SLC12A2: variants seen among roughly 807,000 people sequenced by gnomAD.
SLC12A2 encodes Na-K-2Cl cotransporter 1.
Under a neutral mutation model 136.3 loss-of-function variants are expected in SLC12A2, and 67 were observed. That is an observed-to-expected ratio of 0.49 (90% CI 0.40 to 0.60). The LOEUF (loss-of-function observed/expected upper bound fraction) is 0.60. Ranked by LOEUF, SLC12A2 falls within the 20% of genes least tolerant of loss-of-function variation. SLC12A2 has a pLI of 0.00. For missense variants in SLC12A2, 1,322 were observed against 1,534.7 expected (o/e 0.86, Z 2.32); for synonymous variants, 619 against 562.9 (o/e 1.10, Z -1.41).
In SLC12A2 at chr5:128,119,673, T is replaced by A. The variant is rs9968654; in HGVS notation, c.1048+4992T>A. On this transcript the variant is annotated intron_variant, in intron 4 of 26. Coordinates refer to ENST00000262461, the MANE Select transcript of SLC12A2 (RefSeq NM_001046.3). ...GGTAGTGTGATGCCTCCAGCTTTGT[T>A]CTTTTGGCTTCCTTACACCTTATAA... 7.5e-3 allele frequency among the ~76,000 whole-genome samples: 1,142 copies of A among 152,274 alleles called. 15 individuals are homozygous for A. The highest frequency in any genetic ancestry group is 0.026 in the African/African-American group (1,072 of 41,544).
chr5:128,091,529 G>A (rs1443853927), intron 1 of SLC12A2, among the ~76,000 whole-genome samples: 1 of 152,210 alleles, frequency 6.6e-6, no homozygotes, highest in Non-Finnish European at 1.5e-5. Flanking sequence ...AAAGCCCACT[G>A]AGGGTGAGCA....
chr5:128,137,003 T>A (rs1287477240), intron 7 of SLC12A2, among the ~76,000 whole-genome samples: 3 of 152,172 alleles, frequency 2.0e-5, no homozygotes, highest in Admixed American at 6.5e-5. Context: ...TAATTTCTAA[T>A]CCTTTCCTAA....
In SLC12A2 at chr5:128,184,399, C is replaced by T. The variant is rs1386267550; in HGVS notation, c.3333C>T (p.Tyr1111=). The stretch of plus-strand genomic sequence containing the variant: ...CTTTTGAGGAAATCATTGAGCCATA[C>T]AGACTTCATGAAGATGATAAAGAGC... The part of the protein sequence containing the change: ...IIAFEEIIEP[Y]RLHEDDKEQD... Residue 1111 remains tyrosine (Y), a synonymous_variant, in exon 25 of 27, where the codon TAC becomes TAT. Transcript: ENST00000262461. 3.1e-6 allele frequency: 5 copies of T among 1,588,954 alleles called. No individual in the cohort carries two copies. Among genetic ancestry groups the T allele is most frequent in the Admixed American group, 1.8e-5 (1 of 57,088 alleles).
chr5:128,133,593 G>A (rs1024626872), intron 5 of SLC12A2, among the ~76,000 whole-genome samples: 4 of 151,992 alleles, frequency 2.6e-5, no homozygotes, highest in Non-Finnish European at 2.9e-5. Context: ...TATTTGAGAA[G>A]TGGTAGTAAT....
At chr5:128,147,852 AT>A in intron 11 of SLC12A2, 123 bp downstream of exon 11, 2 of 517,416 alleles carry the variant, frequency 3.9e-6, no homozygotes, top group Non-Finnish European at 6.9e-6. Context: ...TATATGATAT[AT>A]ATATGCACAT....
In SLC12A2 at chr5:128,184,515, C is replaced by T. The variant is rs1763805656; in HGVS notation, c.3435+14C>T. ...TATAAGACCAAGGTATTCTCTTCTG[C>T]TTCCTTTTCATTAATCTTTTATATA... is the stretch of plus-strand genomic sequence containing the variant. On this transcript the variant is annotated intron_variant, in intron 25 of 26. Coordinates refer to ENST00000262461, the MANE Select transcript of SLC12A2 (RefSeq NM_001046.3). 1 of 1,565,884 alleles carries T rather than the reference C, an allele frequency of 6.4e-7. No individual in the cohort carries two copies. The highest frequency in any genetic ancestry group is 1.2e-5 in the South Asian group (1 of 82,210).
intron 15 of SLC12A2, among the ~76,000 whole-genome samples, chr5:128,153,487 G>T (rs147336608): frequency 6.6e-6 from 1 of 152,046 alleles, no homozygotes; most frequent in Non-Finnish European, 1.5e-5. Context: ...CCCAGGAGGC[G>T]GAGGTTGCAG....
intron 1 of SLC12A2, among the ~76,000 whole-genome samples, chr5:128,102,575 G>T (rs1760778904): frequency 3.0e-5 from 2 of 66,276 alleles, no homozygotes; most frequent in Non-Finnish European, 6.4e-5. Flanking sequence ...GTGTCTTTCT[G>T]TAATTCACCC....
intron 1 of SLC12A2, among the ~76,000 whole-genome samples, chr5:128,085,647 T>C (rs1221203641): frequency 6.6e-6 from 1 of 152,238 alleles, no homozygotes; most frequent in Non-Finnish European, 1.5e-5. Context: ...TACAAGTGTG[T>C]AATGACTACA....
At chr5:128,126,966 A>ATATATATATATATATTT in intron 4 of SLC12A2, among the ~76,000 whole-genome samples, 1 of 21,160 alleles carries the variant, frequency 4.7e-5, no homozygotes, top group African/African-American at 2.5e-4. Context: ...ATATATATAT[A>ATATATATATATATATTT]TTTTTTTTTT....
intron 15 of SLC12A2, among the ~76,000 whole-genome samples, chr5:128,153,318 G>A (rs538724934): frequency 2.2e-4 from 34 of 152,302 alleles, no homozygotes; most frequent in African/African-American, 7.5e-4. Context: ...ACTTTGGGAC[G>A]CCAAGGCTGG....
intron 19 of SLC12A2, among the ~76,000 whole-genome samples, chr5:128,172,055 C>A (rs1763392582): frequency 6.6e-6 from 1 of 151,926 alleles, no homozygotes; most frequent in East Asian, 1.9e-4. Context: ...AGTAAAATAG[C>A]CTGAGGAAAA....
At chr5:128,114,475 T>C in intron 3 of SLC12A2, 111 bp from the exon 4 acceptor site, 4 of 846,960 alleles carry the variant, frequency 4.7e-6, no homozygotes, top group Non-Finnish European at 7.5e-6. Context: ...CAAAATTGGG[T>C]AATTTATAAC....
chr5:128,088,103 G>A (rs1237232812), intron 1 of SLC12A2, among the ~76,000 whole-genome samples: 3 of 150,978 alleles, frequency 2.0e-5, no homozygotes, highest in Non-Finnish European at 4.4e-5. Flanking sequence ...TTAAGGTCAT[G>A]GACTAAATTA....
chr5:128,098,421 T>C (rs1184310346), intron 1 of SLC12A2, among the ~76,000 whole-genome samples: 1 of 152,066 alleles, frequency 6.6e-6, no homozygotes, highest in Non-Finnish European at 1.5e-5. Context: ...TTTTGGAGTC[T>C]TTGTCTCCTG....
Position 128,152,915 on chromosome 5 carries a change from C to A in SLC12A2, c.2363+110C>A, listed in dbSNP as rs764631167. 465 of 681,708 alleles carry A rather than the reference C, an allele frequency of 6.8e-4. 1 individual carries two copies. Among genetic ancestry groups the A allele is most frequent in the Middle Eastern group, 1.3e-3 (5 of 3,978 alleles). The allele number at this position is 681,708 out of a possible 1,614,324, so 42.2% of individuals were successfully genotyped here. On this transcript the variant is annotated intron_variant, in intron 15 of 26. Transcript: ENST00000262461. ...TTTCACATTTTTAATCGGTCTTGGG[C>A]AGTTTAATTATTCAAGAACAAAATT...
intron 20 of SLC12A2, among the ~76,000 whole-genome samples, chr5:128,176,527 CG>C (rs1561705055): frequency 6.6e-6 from 1 of 151,864 alleles, no homozygotes. Context: ...TTAATGCACA[CG>C]TATATACATA....
chr5:128,117,742 C>A (rs1033982249), intron 4 of SLC12A2, among the ~76,000 whole-genome samples: 2 of 152,118 alleles, frequency 1.3e-5, no homozygotes, highest in Non-Finnish European at 2.9e-5. Context: ...AACTAAAAAG[C>A]TTCTGCACAG....
chr5:128,150,959 G>T (rs1490299036), intron 13 of SLC12A2, among the ~76,000 whole-genome samples: 2 of 151,636 alleles, frequency 1.3e-5, no homozygotes, highest in Admixed American at 6.6e-5. Context: ...TTCACCTAAG[G>T]TAGGTTGATT....
Sources: allele counts gnomAD v4.1 joint callset (sites outside exome capture counted in the v4.1 genomes callset), GRCh38; gene constraint gnomAD v4.1.1; transcripts MANE v1.5; gene names NCBI Gene and HGNC (gene_info 2026-07-23, HGNC 2026-07-21).